The following PXT1 variants were observed in gnomAD, a reference collection of about 807,000 sequenced individuals.
PXT1 encodes the protein peroxisomal testis-specific protein 1.
In PXT1, 11 loss-of-function variants were observed where a neutral mutation model predicts 11.0. That is an observed-to-expected ratio of 1.00 (90% CI 0.63 to 1.66). PXT1 has a LOEUF of 1.66. PXT1 is among the 40% of genes most tolerant of loss of function. The pLI, the probability that PXT1 is intolerant of heterozygous loss-of-function variation, is 0.00. For missense variants in PXT1, 141 were observed against 155.5 expected (o/e 0.91, Z 0.49); for synonymous variants, 43 against 51.4 (o/e 0.84, Z 0.70).
intron 3 of PXT1, among the ~76,000 whole-genome samples, chr6:36,422,023 C>T (rs545883343): frequency 2.6e-5 from 4 of 152,192 alleles, no homozygotes; most frequent in South Asian, 2.1e-4. Flanking sequence ...TCATATCCTA[C>T]GATTTGTTAC....
intron 2 of PXT1, among the ~76,000 whole-genome samples, chr6:36,436,111 G>GCCAAAAAAAAAAAAAAAAAAAAAAAGAAA (rs1774759038): frequency 3.6e-5 from 1 of 27,908 alleles, no homozygotes; most frequent in Non-Finnish European, 7.5e-5. Flanking sequence ...AAAAAAGTAA[G>GCCAAAAAAAAAAAAAAAAAAAAAAAGAAA]CCAAAAAAAA....
rs186353821 is a variant in PXT1, at chr6:36,394,073, A to T, written c.301-2199T>A. Among the ~76,000 whole-genome samples, 6 of 152,330 alleles carry T rather than the reference A, an allele frequency of 3.9e-5. No individual in the cohort carries two copies. The East Asian group carries it at 1.2e-3, about 29-fold the overall frequency. On this transcript the variant is annotated intron_variant, in intron 4 of 4. Transcript: ENST00000454782. ...TAGACTTTGTCCTGCTAGTAACCGA[A>T]AATCATTAAAGGATTTTTCTCCCCC...
At chr6:36,422,411 C>T (rs936163623) in intron 3 of PXT1, among the ~76,000 whole-genome samples, 3 of 152,184 alleles carry the variant, frequency 2.0e-5, no homozygotes, top group Non-Finnish European at 4.4e-5. Flanking sequence ...TGAGGGAAGC[C>T]TTCTCTGATC....
chr6:36,406,756 G>T lies in PXT1; in HGVS notation c.170-6172C>A, dbSNP rs36114222. 3.3e-3 allele frequency among the ~76,000 whole-genome samples: 502 copies of T among 151,634 alleles called. 1 individual carries two copies. Among genetic ancestry groups the T allele is most frequent in the African/African-American group, 0.012 (477 of 41,306 alleles). ...AACCCGGGAGGTAGAGGTCGCAGTG[G>T]GCCAAGATGGCACCACTGTACTCTA... On this transcript the variant is annotated intron_variant, in intron 3 of 4. Coordinates refer to ENST00000454782, the MANE Select transcript of PXT1 (RefSeq NM_152990.4).
At chr6:36,393,270 C>T (rs1360700195) in intron 4 of PXT1, among the ~76,000 whole-genome samples, 1 of 152,148 alleles carries the variant, frequency 6.6e-6, no homozygotes, top group Non-Finnish European at 1.5e-5. Flanking sequence ...CTGGCCCTGA[C>T]CATATCTTTT....
intron 1 of PXT1, 73 bp downstream of exon 1, chr6:36,442,462 A>T (rs1487481813): frequency 6.6e-6 from 1 of 152,230 alleles, no homozygotes; most frequent in East Asian, 1.9e-4. Context: ...TCTTTTACTC[A>T]TAACACAGTT....
At position 36,423,481 on chromosome 6, in the gene PXT1, G is replaced by C. The variant is rs544511801; in HGVS notation, c.169+2433C>G. Among the ~76,000 whole-genome samples the C allele has an allele frequency of 2.3e-4, 35 of 152,332 alleles. No homozygotes were observed. In the East Asian group the frequency reaches 6.6e-3, roughly 29 times the overall value. On this transcript the variant is annotated intron_variant, in intron 3 of 4. Transcript: ENST00000454782. ...CTGTGGCCAATGGGGAGCGCACATG[G>C]CGACGCGGCCGGCGGCGGCGCGCGC...
rs114842032 is a variant in PXT1, at chr6:36,422,813, T to G, written c.169+3101A>C. 8.3e-3 allele frequency among the ~76,000 whole-genome samples: 1,261 copies of G among 152,334 alleles called. 16 individuals carry two copies. The highest frequency in any genetic ancestry group is 0.029 in the African/African-American group (1,204 of 41,568). ...CAATTATATTTCCCATTTATACTAC[T>G]TACACACACATGCACACGCATTTAT... is the stretch of plus-strand genomic sequence containing the variant. On this transcript the variant is annotated intron_variant, in intron 3 of 4. Transcript: ENST00000454782.
chr6:36,409,253 G>A lies in PXT1; in HGVS notation c.170-8669C>T, dbSNP rs1281431971. ...AAGAACAAGGCCAGAACACTGAAGAGAATGGGAGGCAGGTCAACAACAGAT... is the reference window on the plus strand; with the variant it reads ...AAGAACAAGGCCAGAACACTGAAGAAAATGGGAGGCAGGTCAACAACAGAT... On this transcript the variant is annotated intron_variant, in intron 3 of 4. Coordinates refer to ENST00000454782, the MANE Select transcript of PXT1 (RefSeq NM_152990.4). Among the ~76,000 whole-genome samples, 4 of 152,178 alleles carry A rather than the reference G, an allele frequency of 2.6e-5. No individual in the cohort carries two copies. In the East Asian group the frequency reaches 7.7e-4, roughly 29 times the overall value.
At chr6:36,423,868 A>C (rs1055073985) in intron 3 of PXT1, among the ~76,000 whole-genome samples, 1 of 152,182 alleles carries the variant, frequency 6.6e-6, no homozygotes, top group African/African-American at 2.4e-5. Flanking sequence ...ACCAGTCACT[A>C]ATGAGATTTG....
intron 3 of PXT1, among the ~76,000 whole-genome samples, chr6:36,415,314 G>T (rs997431803): frequency 6.6e-6 from 1 of 152,014 alleles, no homozygotes; most frequent in Non-Finnish European, 1.5e-5. Context: ...ATGGTGGCGC[G>T]TGCCTGTAAT....
Position 36,410,140 on chromosome 6 carries a change from G to A in PXT1, c.170-9556C>T, listed in dbSNP as rs551066875. ...GAGTTCGAGACCAGGAAGGAAGGAA[G>A]GAAGGAGAGAGAGAGAGAGAGAGAG... On this transcript the variant is annotated intron_variant, in intron 3 of 4. Coordinates refer to ENST00000454782, the MANE Select transcript of PXT1 (RefSeq NM_152990.4). Among the ~76,000 whole-genome samples the A allele has an allele frequency of 9.2e-5, 12 of 130,294 alleles. No homozygotes were observed. The East Asian group carries it at 3.1e-3, about 33-fold the overall frequency. The allele number at this position is 130,294 out of a possible 152,430, so 85.5% of individuals were successfully genotyped here. A position where few individuals can be genotyped will look rare whatever the true frequency, so the allele number is the denominator to read the frequency against.
At chr6:36,396,977 G>A (rs1251924475) in intron 4 of PXT1, among the ~76,000 whole-genome samples, 1 of 125,038 alleles carries the variant, frequency 8.0e-6, no homozygotes, top group Non-Finnish European at 1.9e-5. Flanking sequence ...GTTGCAAAGA[G>A]GAGCTACTCT....
chr6:36,429,508 C>CTTTTTTTTTTTTTTTTTT (rs112777415), intron 2 of PXT1, among the ~76,000 whole-genome samples: 2 of 108,210 alleles, frequency 1.8e-5, no homozygotes, highest in African/African-American at 7.6e-5. Context: ...TTTTTCTTTT[C>CTTTTTTTTTTTTTTTTTT]TTTTTTTTTT....
intron 3 of PXT1, among the ~76,000 whole-genome samples, chr6:36,402,231 G>A (rs1774224854): frequency 6.6e-6 from 1 of 152,112 alleles, no homozygotes; most frequent in Non-Finnish European, 1.5e-5. Context: ...AGGTGCTTTG[G>A]GGAAGGTCTA....
chr6:36,402,670 T>C (rs139751195), intron 3 of PXT1, among the ~76,000 whole-genome samples: 1 of 152,168 alleles, frequency 6.6e-6, no homozygotes, highest in African/African-American at 2.4e-5. Context: ...GGCAGAAGGA[T>C]CAAGTGAGCA....
intron 2 of PXT1, among the ~76,000 whole-genome samples, chr6:36,428,828 G>T (rs899814694): frequency 2.0e-5 from 3 of 151,520 alleles, no homozygotes; most frequent in Non-Finnish European, 4.4e-5. Context: ...GCTAATTTCT[G>T]TATTTTTAGT....
intron 2 of PXT1, among the ~76,000 whole-genome samples, chr6:36,433,837 AAAAG>A (rs1554155714): frequency 7.5e-6 from 1 of 132,852 alleles, no homozygotes; most frequent in Non-Finnish European, 1.6e-5. Flanking sequence ...AAAAAAAAAA[AAAAG>A]AAAAGAAAAG....
At chr6:36,435,130 GA>G (rs1774743531) in intron 2 of PXT1, among the ~76,000 whole-genome samples, 1 of 152,044 alleles carries the variant, frequency 6.6e-6, no homozygotes, top group Non-Finnish European at 1.5e-5. Context: ...AAAAGCTTTA[GA>G]GAAGAAATTA....
Sources: gnomAD v4.1 joint callset for allele counts (sites outside exome capture counted in the v4.1 genomes callset) on GRCh38, gnomAD v4.1.1 for gene constraint, MANE v1.5 for transcripts, NCBI Gene and HGNC (gene_info 2026-07-23, HGNC 2026-07-21) for gene names.